POC1A: variants seen among roughly 807,000 people sequenced by gnomAD.
POC1A encodes the protein POC1 centriolar protein A, also known as POC1 centriolar protein homolog A.
POC1A carries 34 observed loss-of-function variants against 47.8 expected under a neutral mutation model. The observed-to-expected ratio is 0.71, with a 90% CI of 0.54 to 0.95. POC1A has a LOEUF of 0.95. Ranked by LOEUF, POC1A falls within the 40% of genes least tolerant of loss-of-function variation. The pLI is 0.00. For missense variants in POC1A, 466 were observed against 528.3 expected (o/e 0.88, Z 1.16); for synonymous variants, 177 against 207.6 (o/e 0.85, Z 1.27).
At position 52,125,141 on chromosome 3, in the gene POC1A, T is replaced by C; in HGVS notation, c.854A>G (p.Tyr285Cys). The C allele has an allele frequency of 6.2e-7, 1 of 1,613,940 alleles. No individual in the cohort carries two copies. The highest frequency in any genetic ancestry group is 2.2e-5 in the East Asian group (1 of 44,874). The change falls in exon 8 of 11, where the codon TAT (tyrosine) becomes TGT (cysteine). Residue 285 changes from tyrosine to cysteine, a missense_variant. Physicochemically the swap from Tyr to Cys is radical, Grantham distance 194. Coordinates refer to ENST00000296484, the MANE Select transcript of POC1A (RefSeq NM_015426.5). ...TTVAFSRTGE[Y>C]FASGGSDEQV... ...TTCATCAGAGCCTCCAGAAGCAAAA[T>C]ACTCCCCCGTTCTTGAAAAGGCAAC... is the stretch of plus-strand genomic sequence containing the variant.
intron 7 of POC1A, among the ~76,000 whole-genome samples, chr3:52,130,970 C>T (rs569579712): frequency 1.3e-4 from 19 of 151,278 alleles, no homozygotes; most frequent in Admixed American, 3.3e-4. Flanking sequence ...CAGACAGCAG[C>T]GCCTGTGCAG....
In POC1A at chr3:52,140,839, C is replaced by T. The variant is rs181197085; in HGVS notation, c.680-2537G>A. Among the ~76,000 whole-genome samples the T allele has an allele frequency of 5.2e-3, 769 of 149,052 alleles. 9 individuals are homozygous for T. The highest frequency in any genetic ancestry group is 0.017 in the African/African-American group (722 of 41,454). On this transcript the variant is annotated intron_variant, in intron 6 of 10. Coordinates refer to ENST00000296484, the MANE Select transcript of POC1A (RefSeq NM_015426.5). ...AGCGGGTAGTCTATGGAGGCCTCAT[C>T]GTAAGAACCACCCCTGCATGAGAGT...
intron 9 of POC1A, among the ~76,000 whole-genome samples, chr3:52,114,399 C>T (rs1296225994): frequency 6.6e-6 from 1 of 152,194 alleles, no homozygotes; most frequent in Non-Finnish European, 1.5e-5. Flanking sequence ...GGGAGGTGCA[C>T]TTGACAGAGC....
rs1288492899 is a variant in POC1A, at chr3:52,096,722, G to A, written c.982-10C>T. 8.9e-6 allele frequency: 14 copies of A among 1,566,106 alleles called. No individual in the cohort carries two copies. The highest frequency in any genetic ancestry group is 6.0e-5 in the Admixed American group (3 of 49,856). Reference sequence around the variant, plus strand: ...GGAAGTCCACTTCTGGCTAAAGACAGAAAGAAAAAAGTTCCTCAGTCTATC... The same window carrying A: ...GGAAGTCCACTTCTGGCTAAAGACAAAAAGAAAAAAGTTCCTCAGTCTATC... On this transcript the variant is annotated splice_polypyrimidine_tract_variant and intron_variant, in intron 9 of 10. Coordinates refer to ENST00000296484, the MANE Select transcript of POC1A (RefSeq NM_015426.5).
chr3:52,096,279 C>T (rs530833396), intron 10 of POC1A, among the ~76,000 whole-genome samples: 1 of 152,348 alleles, frequency 6.6e-6, no homozygotes, highest in Admixed American at 6.5e-5. Context: ...TAAACAAACA[C>T]AGTGTTTCTT....
intron 10 of POC1A, among the ~76,000 whole-genome samples, chr3:52,094,081 C>T (rs1702728329): frequency 6.6e-6 from 1 of 152,322 alleles, no homozygotes. Context: ...AAGTAGACTT[C>T]CCTGTGGGGG....
At position 52,096,671 on chromosome 3, in the gene POC1A, A is replaced by C. The variant is rs1577827681; in HGVS notation, c.1023T>G (p.Ser341Arg). 2 of 1,607,360 alleles carry C rather than the reference A, an allele frequency of 1.2e-6. No individual in the cohort carries two copies. Among genetic ancestry groups the C allele is most frequent in the Non-Finnish European group, 1.7e-6 (2 of 1,177,494 alleles). Residue 341 changes from serine to arginine, a missense_variant, in exon 10 of 11, where the codon AGT becomes AGG. Transcript: ENST00000296484. ...GGGGCTGGCTCTGCACAGACTCCAC[A>C]CTCCTGCCTCTGCCTGGGGGGACAG... ...DFPVPPGRGRSVESVQSQPQE... is the reference protein window; with the variant it reads ...DFPVPPGRGRRVESVQSQPQE...
At position 52,109,496 on chromosome 3, in the gene POC1A, CAAAA is replaced by C. The variant is rs376697180; in HGVS notation, c.982-12788_982-12785del. Among the ~76,000 whole-genome samples, 12 of 142,190 alleles carry C rather than the reference CAAAA, an allele frequency of 8.4e-5. No individual in the cohort carries two copies. In the East Asian group the frequency reaches 2.2e-3, roughly 26 times the overall value. 93.3% of individuals were successfully genotyped at this position (142,190 alleles called of 152,430 possible). A position where few individuals can be genotyped will look rare whatever the true frequency, so the allele number is the denominator to read the frequency against. Reference sequence around the variant, plus strand: ...GTTTTGTTTAATTAAAACAAACAAACAAAAAAAAAAACCTTCCTGGTGACTGAAA... The same window carrying C: ...GTTTTGTTTAATTAAAACAAACAAACAAAAAAACCTTCCTGGTGACTGAAA... On this transcript the variant is annotated intron_variant, in intron 9 of 10. Coordinates refer to ENST00000296484, the MANE Select transcript of POC1A (RefSeq NM_015426.5).
chr3:52,095,233 A>G (rs1318024531), intron 10 of POC1A, among the ~76,000 whole-genome samples: 1 of 152,138 alleles, frequency 6.6e-6, no homozygotes, highest in Non-Finnish European at 1.5e-5. Context: ...CCTTCTTCTC[A>G]GGGCTTAGCA....
At chr3:52,110,470 T>A (rs776126091) in intron 9 of POC1A, among the ~76,000 whole-genome samples, 3 of 152,216 alleles carry the variant, frequency 2.0e-5, no homozygotes, top group Non-Finnish European at 4.4e-5. Context: ...ATTTATTTCA[T>A]TTTCAGGTTT....
intron 6 of POC1A, among the ~76,000 whole-genome samples, chr3:52,143,135 G>A (rs1698253148): frequency 6.6e-6 from 1 of 151,542 alleles, no homozygotes; most frequent in Non-Finnish European, 1.5e-5. Context: ...ACTAGGGGTG[G>A]CTTAGGGATG....
At chr3:52,130,758 G>C (rs1342189012) in intron 7 of POC1A, among the ~76,000 whole-genome samples, 1 of 152,058 alleles carries the variant, frequency 6.6e-6, no homozygotes, top group East Asian at 1.9e-4. Context: ...CCTCCACCTG[G>C]GGTGGACAGA....
chr3:52,148,986 T>C (rs1316312418), intron 4 of POC1A, among the ~76,000 whole-genome samples: 1 of 152,238 alleles, frequency 6.6e-6, no homozygotes, highest in African/African-American at 2.4e-5. Flanking sequence ...TGGCTGACTA[T>C]GGACTAACTT....
chr3:52,139,289 C>G (rs943485150), intron 6 of POC1A, among the ~76,000 whole-genome samples: 6 of 152,184 alleles, frequency 3.9e-5, no homozygotes, highest in African/African-American at 1.2e-4. Flanking sequence ...TCCTTTGCCC[C>G]CTGTGTTCCA....
Position 52,151,049 on chromosome 3 carries a change from A to G in POC1A, c.70T>C (p.Cys24Arg). 6.2e-7 allele frequency: 1 copy of G among 1,613,582 alleles called. No homozygotes were observed. The highest frequency in any genetic ancestry group is 1.1e-5 in the South Asian group (1 of 91,060). ...HFKGHRDAVT[C>R]VDFSINTKQL... The stretch of plus-strand genomic sequence containing the variant: ...TTTGTGTTGATACTGAAGTCCACAC[A>G]GGTAACTGCATCTCGGTGGCCCTTA... Residue 24 changes from cysteine (C) to arginine (R), a missense_variant, in exon 2 of 11, where the codon TGT becomes CGT. By Grantham distance (180) the Cys-to-Arg change is radical (BLOSUM62 -3). Transcript: ENST00000296484.
At position 52,090,132 on chromosome 3, in the gene POC1A, G is replaced by C. The variant is rs940025697; in HGVS notation, c.1125+6437C>G. On this transcript the variant is annotated intron_variant, in intron 10 of 10. Transcript: ENST00000296484. This position sits in a 1 kb window ranked among gnomAD's most constrained non-coding sequence, Gnocchi z 4.2. ...CAAAGAGACCCAAACAAGCAGGGCT[G>C]GTGGGCTTGCTCCCTGCCTGCTCCC... Among the ~76,000 whole-genome samples the C allele has an allele frequency of 6.6e-6, 1 of 152,204 alleles. No individual in the cohort carries two copies. Among genetic ancestry groups the C allele is most frequent in the African/African-American group, 2.4e-5 (1 of 41,444 alleles).
At chr3:52,114,448 ACT>A (rs1320699784) in intron 9 of POC1A, among the ~76,000 whole-genome samples, 1 of 152,232 alleles carries the variant, frequency 6.6e-6, no homozygotes, top group Non-Finnish European at 1.5e-5. Context: ...CTGAAGCAGC[ACT>A]GACAGGGGTC....
At chr3:52,106,643 T>C (rs1471606679) in intron 9 of POC1A, among the ~76,000 whole-genome samples, 1 of 152,094 alleles carries the variant, frequency 6.6e-6, no homozygotes, top group Non-Finnish European at 1.5e-5. Flanking sequence ...CCACAGACCA[T>C]CTCCCCGTCC....
At chr3:52,126,554 T>C (rs964735209) in intron 7 of POC1A, among the ~76,000 whole-genome samples, 3 of 152,230 alleles carry the variant, frequency 2.0e-5, no homozygotes, top group Non-Finnish European at 4.4e-5. Flanking sequence ...CACTGAATCC[T>C]GAAAGGACAG....
Sources: gnomAD v4.1 joint callset for allele counts (sites outside exome capture counted in the v4.1 genomes callset) on GRCh38, gnomAD v4.1.1 for gene constraint, Gnocchi (gnomAD v3.1) non-coding constraint, MANE v1.5 for transcripts, NCBI Gene and HGNC (gene_info 2026-07-23, HGNC 2026-07-21) for gene names.